ANKRD27: variants seen among roughly 807,000 people sequenced by gnomAD.
The protein encoded by ANKRD27 is ankyrin repeat domain-containing protein 27.
ANKRD27 carries 112 observed loss-of-function variants against 129.7 expected under a neutral mutation model. That is an observed-to-expected ratio of 0.86 (90% CI 0.74 to 1.01). ANKRD27 has a LOEUF of 1.01. Ranked by LOEUF, ANKRD27 falls within the 50% of genes least tolerant of loss-of-function variation. The pLI is 0.00. For synonymous variants in ANKRD27, 516 were observed against 511.2 expected (o/e 1.01, Z -0.13); for missense variants, 1,258 against 1,300.5 (o/e 0.97, Z 0.50).
At chr19:32,645,368 C>A (rs564667885) in intron 4 of ANKRD27, among the ~76,000 whole-genome samples, 1 of 151,902 alleles carries the variant, frequency 6.6e-6, no homozygotes, top group Non-Finnish European at 1.5e-5. Context: ...GCCAAGATTG[C>A]GCCACTGCAC....
intron 10 of ANKRD27, among the ~76,000 whole-genome samples, chr19:32,640,951 T>C (rs995041106): frequency 6.6e-6 from 1 of 151,970 alleles, no homozygotes; most frequent in East Asian, 1.9e-4. Context: ...CAGACTGGAG[T>C]GCAGTGGCGC....
chr19:32,639,960 T>C (rs3760941), intron 11 of ANKRD27, among the ~76,000 whole-genome samples: 107,135 of 151,982 alleles, frequency 0.7, 38,403 homozygotes, highest in African/African-American at 0.84. Context: ...CACAGTGCAG[T>C]GCTGCCATTT....
chr19:32,598,373 C>G lies in ANKRD27; in HGVS notation c.2925G>C (p.Gly975=). 6.2e-7 allele frequency: 1 copy of G among 1,614,120 alleles called. No homozygotes were observed. The highest frequency in any genetic ancestry group is 8.5e-7 in the Non-Finnish European group (1 of 1,180,012). Residue 975 remains glycine (G), a synonymous_variant, in exon 29 of 29, where the codon GGG becomes GGC. Transcript: ENST00000306065. The part of the protein sequence containing the change: ...NLTEGSLHEP[G]RQSVTLRQNN... Reference sequence around the variant, plus strand: ...TCTGTCTCAGTGTGACACTTTGCCTCCCTGGCTAAAGAAAAAGTACATTTT... The same window carrying G: ...TCTGTCTCAGTGTGACACTTTGCCTGCCTGGCTAAAGAAAAAGTACATTTT...
At chr19:32,608,800 A>G (rs1268056773) in intron 22 of ANKRD27, among the ~76,000 whole-genome samples, 1 of 152,062 alleles carries the variant, frequency 6.6e-6, no homozygotes, top group Non-Finnish European at 1.5e-5. Context: ...AAAAATACAA[A>G]AATTACCCAG....
chr19:32,612,962 T>C (rs1357151026), intron 22 of ANKRD27, among the ~76,000 whole-genome samples: 1 of 152,170 alleles, frequency 6.6e-6, no homozygotes, highest in Non-Finnish European at 1.5e-5. Flanking sequence ...TAAAAACCTT[T>C]TTCTCTGTGA....
At chr19:32,674,478 T>A (rs111977471) in intron 1 of ANKRD27, among the ~76,000 whole-genome samples, 7,744 of 152,088 alleles carry the variant, frequency 0.051, 273 homozygotes, top group African/African-American at 0.091. Context: ...GCAGTCCATT[T>A]TCAACCACAA....
chr19:32,650,756 T>TTG (rs1002195837), intron 2 of ANKRD27, among the ~76,000 whole-genome samples: 1 of 148,802 alleles, frequency 6.7e-6, no homozygotes, highest in Non-Finnish European at 1.5e-5. Flanking sequence ...TTTTATTTAT[T>TTG]TTTTTTTTTT....
chr19:32,673,506 G>C, intron 1 of ANKRD27: 1 of 954,848 alleles, frequency 1.0e-6, no homozygotes, highest in Non-Finnish European at 1.2e-6. Context: ...AGGTGCTCAG[G>C]ACCTGGCACA....
chr19:32,643,539 ACAATTCTC>A (rs1967243695), intron 6 of ANKRD27, 25 bp downstream of exon 6: 1 of 1,613,810 alleles, frequency 6.2e-7, no homozygotes, highest in Admixed American at 1.7e-5. Flanking sequence ...GGGGTGCACC[ACAATTCTC>A]CCTCTCAGAA....
intron 4 of ANKRD27, 126 bp downstream of exon 4, chr19:32,646,333 T>C (rs1967302148): frequency 3.3e-6 from 3 of 900,298 alleles, no homozygotes; most frequent in South Asian, 1.9e-5. Flanking sequence ...CCTCCCAAAG[T>C]GCAGGGATTA....
At chr19:32,650,327 G>A (rs1334789578) in intron 2 of ANKRD27, among the ~76,000 whole-genome samples, 3 of 152,118 alleles carry the variant, frequency 2.0e-5, no homozygotes, top group South Asian at 2.1e-4. Flanking sequence ...CAAGGCAGGC[G>A]GATCACTTGA....
At chr19:32,614,095 G>A (rs572883845) in intron 22 of ANKRD27, among the ~76,000 whole-genome samples, 5 of 152,074 alleles carry the variant, frequency 3.3e-5, no homozygotes, top group African/African-American at 1.2e-4. Context: ...CAGGGAGAGA[G>A]GTGGGTGTGG....
At chr19:32,647,874 C>G (rs1967332904) in intron 3 of ANKRD27, among the ~76,000 whole-genome samples, 1 of 152,214 alleles carries the variant, frequency 6.6e-6, no homozygotes. Context: ...ACTTCCATCT[C>G]TTAGATAGGG....
chr19:32,599,617 G>A (rs1019047456), intron 28 of ANKRD27, 87 bp downstream of exon 28: 30 of 1,200,056 alleles, frequency 2.5e-5, no homozygotes, highest in South Asian at 4.1e-5. Flanking sequence ...TGAAGATGAC[G>A]ATCAAGGAGA....
At chr19:32,670,530 C>T (rs897376333) in intron 1 of ANKRD27, among the ~76,000 whole-genome samples, 23 of 150,974 alleles carry the variant, frequency 1.5e-4, no homozygotes, top group African/African-American at 4.9e-4. Flanking sequence ...AAAAATTAGC[C>T]GGGCATGGTG....
chr19:32,601,725 CTG>C (rs1971657205), intron 26 of ANKRD27, among the ~76,000 whole-genome samples: 1 of 152,094 alleles, frequency 6.6e-6, no homozygotes, highest in African/African-American at 2.4e-5. Flanking sequence ...ATCCCAGAGA[CTG>C]TTCCCCATCT....
At chr19:32,613,082 G>T (rs1599738832) in intron 22 of ANKRD27, among the ~76,000 whole-genome samples, 1 of 104,900 alleles carries the variant, frequency 9.5e-6, no homozygotes, top group East Asian at 2.5e-4. Context: ...CAACGATAAA[G>T]CCAAAAACAA....
At chr19:32,669,578 C>G (rs1296311092) in intron 1 of ANKRD27, among the ~76,000 whole-genome samples, 1 of 152,188 alleles carries the variant, frequency 6.6e-6, no homozygotes, top group Non-Finnish European at 1.5e-5. Context: ...GGAAAAGGCG[C>G]TCCTTCTGCT....
chr19:32,629,819 G>T (rs1966958702), intron 13 of ANKRD27, among the ~76,000 whole-genome samples: 1 of 143,412 alleles, frequency 7.0e-6, no homozygotes. Context: ...ACTAGAAAAA[G>T]CCTCAGCCCT....
Sources: gnomAD v4.1 joint callset for allele counts (sites outside exome capture counted in the v4.1 genomes callset) on GRCh38, gnomAD v4.1.1 for gene constraint, MANE v1.5 for transcripts, NCBI Gene and HGNC (gene_info 2026-07-23, HGNC 2026-07-21) for gene names.